PRKCB: variants seen among roughly 807,000 people sequenced by gnomAD.
The protein encoded by PRKCB is protein kinase C beta type.
Under a neutral mutation model 81.5 loss-of-function variants are expected in PRKCB, and 13 were observed. That is an observed-to-expected ratio of 0.16 (90% CI 0.10 to 0.25). The LOEUF is 0.25. Ranked by LOEUF, PRKCB falls within the 10% of genes least tolerant of loss-of-function variation. The probability of loss-of-function intolerance (pLI) is 1.00; values close to 1 mark genes in which losing one functional copy is unlikely to be tolerated. For synonymous variants in PRKCB, 335 were observed against 321.4 expected (o/e 1.04, Z -0.45); for missense variants, 509 against 875.7 (o/e 0.58, Z 5.29).
chr16:24,129,827 A>G (rs142486593), intron 9 of PRKCB, among the ~76,000 whole-genome samples: 9 of 152,346 alleles, frequency 5.9e-5, no homozygotes, highest in African/African-American at 2.2e-4. Flanking sequence ...GTATAGACCA[A>G]TTCCTTTTAT....
intron 2 of PRKCB, among the ~76,000 whole-genome samples, chr16:23,912,068 G>A (rs1963666605): frequency 6.6e-6 from 1 of 151,882 alleles, no homozygotes; most frequent in South Asian, 2.1e-4. Context: ...CTGACCTCAG[G>A]TGATCCACCC....
At chr16:24,046,395 T>C (rs1965765438) in intron 5 of PRKCB, among the ~76,000 whole-genome samples, 1 of 152,096 alleles carries the variant, frequency 6.6e-6, no homozygotes, top group African/African-American at 2.4e-5. Context: ...TTTCTAATGA[T>C]GGGAGATGAA....
chr16:23,946,949 A>G (rs1448157205), intron 2 of PRKCB, among the ~76,000 whole-genome samples: 1 of 151,150 alleles, frequency 6.6e-6, no homozygotes, highest in Non-Finnish European at 1.5e-5. Context: ...TCCACCTTCT[A>G]GGCTTAAGCG....
chr16:24,001,200 C>T (rs1965030095), intron 3 of PRKCB, among the ~76,000 whole-genome samples: 1 of 152,288 alleles, frequency 6.6e-6, no homozygotes, highest in South Asian at 2.1e-4. Context: ...AACAGGGTCT[C>T]TGGGCAGGCA....
intron 3 of PRKCB, among the ~76,000 whole-genome samples, chr16:24,031,771 A>G (rs1965553754): frequency 6.6e-6 from 1 of 152,182 alleles, no homozygotes; most frequent in African/African-American, 2.4e-5. Context: ...GGAGAAAGAA[A>G]AGTCAGGAGC....
intron 14 of PRKCB, 114 bp downstream of exon 14, chr16:24,185,305 T>A (rs1967686254): frequency 9.6e-6 from 12 of 1,248,016 alleles, no homozygotes; most frequent in Non-Finnish European, 1.4e-5. Context: ...TCTATGACTT[T>A]CCCGGCCTTG....
chr16:23,970,388 G>A (rs993518411), intron 2 of PRKCB, among the ~76,000 whole-genome samples: 1 of 152,226 alleles, frequency 6.6e-6, no homozygotes, highest in African/African-American at 2.4e-5. Flanking sequence ...TTCTGCAGGG[G>A]AAAGCACCTG....
chr16:23,884,920 T>C (rs72777966), intron 2 of PRKCB, among the ~76,000 whole-genome samples: 27,476 of 152,118 alleles, frequency 0.18, 2,612 homozygotes, highest in Middle Eastern at 0.28. Context: ...ATATGGATGA[T>C]TGAATGGATA....
At chr16:24,061,505 A>G (rs1596532639) in intron 5 of PRKCB, among the ~76,000 whole-genome samples, 1 of 152,194 alleles carries the variant, frequency 6.6e-6, no homozygotes, top group African/African-American at 2.4e-5. Flanking sequence ...AGGCTCCCCC[A>G]GCATGGAGCC....
intron 5 of PRKCB, among the ~76,000 whole-genome samples, chr16:24,060,626 G>A (rs1965960208): frequency 6.6e-6 from 1 of 152,200 alleles, no homozygotes; most frequent in Admixed American, 6.5e-5. Flanking sequence ...GATTTGCCCT[G>A]AGGGAGCTGC....
intron 3 of PRKCB, among the ~76,000 whole-genome samples, chr16:24,027,870 A>G (rs907344005): frequency 1.3e-5 from 2 of 152,098 alleles, no homozygotes; most frequent in African/African-American, 4.8e-5. Context: ...CTTGGGTTCA[A>G]GTGATCCTCC....
intron 16 of PRKCB, among the ~76,000 whole-genome samples, chr16:24,198,404 G>A (rs1050364062): frequency 6.6e-6 from 1 of 152,340 alleles, no homozygotes; most frequent in African/African-American, 2.4e-5. Flanking sequence ...CAAGGATTCA[G>A]CCGCCTCAGA....
intron 5 of PRKCB, 83 bp downstream of exon 5, chr16:24,035,630 C>A: frequency 2.0e-6 from 1 of 500,430 alleles, no homozygotes; most frequent in Non-Finnish European, 2.8e-6. Context: ...AGGGGTGGGG[C>A]AGTCCAGTGG....
rs527926395 is a variant in PRKCB at position 23,917,392 on chromosome 16, A to G, written c.206-71116A>G. On this transcript the variant is annotated intron_variant, in intron 2 of 16. Transcript: ENST00000643927. ...ACGCCCGGCCACCTCATTCTGTTTT[A>G]TGATTGCATCGTGGTCCATAGTATG... Among the ~76,000 whole-genome samples, 6 of 152,352 alleles carry G rather than the reference A, an allele frequency of 3.9e-5. No individual in the cohort carries two copies. In the South Asian group the frequency reaches 1.2e-3, roughly 32 times the overall value.
At chr16:24,001,564 A>G (rs757623874) in intron 3 of PRKCB, among the ~76,000 whole-genome samples, 1 of 152,244 alleles carries the variant, frequency 6.6e-6, no homozygotes, top group African/African-American at 2.4e-5. Context: ...GTTGAAATGG[A>G]TGATTTTCTC....
At chr16:24,202,186 T>C (rs775576192) in intron 16 of PRKCB, among the ~76,000 whole-genome samples, 1 of 152,224 alleles carries the variant, frequency 6.6e-6, no homozygotes, top group Non-Finnish European at 1.5e-5. Context: ...CTTTTTCATG[T>C]TAAAAATCCC....
chr16:24,078,437 G>T lies in PRKCB; in HGVS notation c.530-14354G>T, dbSNP rs77652898. ...AGGTGGTCTCCAAACAAGAAGTAAA[G>T]CTAACTTATTGGATGCCTGACTCCC... On this transcript the variant is annotated intron_variant, in intron 5 of 16. Coordinates refer to ENST00000643927, the MANE Select transcript of PRKCB (RefSeq NM_002738.7). Among the ~76,000 whole-genome samples the T allele has an allele frequency of 7.0e-4, 107 of 152,314 alleles. 1 individual carries two copies. In the East Asian group the frequency reaches 0.02, roughly 29 times the overall value.
chr16:23,850,441 C>T (rs1028514482), intron 2 of PRKCB, among the ~76,000 whole-genome samples: 3 of 152,168 alleles, frequency 2.0e-5, no homozygotes, highest in Non-Finnish European at 4.4e-5. Context: ...TCTCAGCTCA[C>T]TGCAACCTCC....
intron 2 of PRKCB, among the ~76,000 whole-genome samples, chr16:23,936,704 T>G (rs1964063688): frequency 6.6e-6 from 1 of 151,244 alleles, no homozygotes; most frequent in Non-Finnish European, 1.5e-5. Context: ...GGATTACAGA[T>G]GTGAGCCTGG....
Sources: gnomAD v4.1 joint callset for allele counts (sites outside exome capture counted in the v4.1 genomes callset) on GRCh38, gnomAD v4.1.1 for gene constraint, MANE v1.5 for transcripts, NCBI Gene and HGNC (gene_info 2026-07-23, HGNC 2026-07-21) for gene names.